HTT: variants seen among roughly 807,000 people sequenced by gnomAD.
HTT encodes huntingtin, also known as huntington disease protein.
In HTT, 104 loss-of-function variants were observed where a neutral mutation model predicts 362.3. The ratio of observed to expected loss-of-function variants is 0.29; its 90% CI spans 0.24 to 0.34. The LOEUF (loss-of-function observed/expected upper bound fraction) is 0.34. HTT is among the 10% of genes least tolerant of loss of function. The probability of loss-of-function intolerance (pLI) is 1.00; values close to 1 mark genes in which losing one functional copy is unlikely to be tolerated. For synonymous variants in HTT, 1,577 were observed against 1,548.7 expected, an observed-to-expected ratio of 1.02 and a Z score of -0.43; for missense variants, 3,301 against 3,928.6, an observed-to-expected ratio of 0.84 and a Z score of 4.27.
At chr4:3,187,152 C>T (rs1433422076) in intron 38 of HTT, among the ~76,000 whole-genome samples, 1 of 149,736 alleles carries the variant, frequency 6.7e-6, no homozygotes, top group East Asian at 2.0e-4. Context: ...AGCCACCGCA[C>T]CCGGCCTTTT....
At chr4:3,165,111 G>A (rs1717634150) in intron 29 of HTT, among the ~76,000 whole-genome samples, 1 of 152,200 alleles carries the variant, frequency 6.6e-6, no homozygotes, top group Non-Finnish European at 1.5e-5. Flanking sequence ...TTGTAAGGCA[G>A]GCCTGGTGGT....
chr4:3,144,685 T>G (rs1321384774), intron 23 of HTT, among the ~76,000 whole-genome samples: 1 of 152,256 alleles, frequency 6.6e-6, no homozygotes, highest in Non-Finnish European at 1.5e-5. Flanking sequence ...GTTTGGGCTG[T>G]CTGCAGTATG....
intron 42 of HTT, 123 bp downstream of exon 42, chr4:3,204,271 C>G (rs992583174): frequency 2.3e-6 from 2 of 864,258 alleles, no homozygotes; most frequent in Non-Finnish European, 3.6e-6. Flanking sequence ...CAAGCTCCAT[C>G]GAAACTAAAT....
intron 6 of HTT, among the ~76,000 whole-genome samples, chr4:3,110,186 T>C (rs919097523): frequency 6.6e-6 from 1 of 152,240 alleles, no homozygotes; most frequent in African/African-American, 2.4e-5. Flanking sequence ...TATGTCTTTG[T>C]ACAACTTTTT....
chr4:3,172,871 A>G, intron 30 of HTT, 37 bp from the exon 31 acceptor site: 2 of 1,383,544 alleles, frequency 1.4e-6, no homozygotes, highest in African/African-American at 1.4e-5. Context: ...AGTGTTGTTC[A>G]CGCCACATTG....
At chr4:3,222,281 G>A (rs1436474846) in intron 53 of HTT, 106 bp from the exon 54 acceptor site, 1 of 815,424 alleles carries the variant, frequency 1.2e-6, no homozygotes, top group African/African-American at 1.7e-5. Context: ...ACTGCCCTTG[G>A]CGTGGAGCCT....
chr4:3,094,492 CG>C (rs1713713099), intron 2 of HTT, among the ~76,000 whole-genome samples: 2 of 141,814 alleles, frequency 1.4e-5, no homozygotes, highest in Non-Finnish European at 3.1e-5. Flanking sequence ...ATGGGGCGGC[CG>C]GGCAGAGGCG....
chr4:3,237,989 T>C (rs1285804998), intron 64 of HTT, among the ~76,000 whole-genome samples: 1 of 152,202 alleles, frequency 6.6e-6, no homozygotes, highest in East Asian at 1.9e-4. Context: ...AAAAACATAA[T>C]GGGAACGGGT....
At chr4:3,078,964 T>A (rs570959253) in intron 1 of HTT, among the ~76,000 whole-genome samples, 1 of 152,320 alleles carries the variant, frequency 6.6e-6, no homozygotes, top group East Asian at 1.9e-4. Flanking sequence ...CTTGATCTCC[T>A]GACCTCGTCA....
chr4:3,199,431 T>A (rs1294573190), intron 40 of HTT, among the ~76,000 whole-genome samples: 1 of 151,908 alleles, frequency 6.6e-6, no homozygotes, highest in Non-Finnish European at 1.5e-5. Context: ...TCCTAGCTAC[T>A]TGGGAGGCTG....
At chr4:3,177,460 A>T in intron 34 of HTT, 73 bp downstream of exon 34, 1 of 1,022,112 alleles carries the variant, frequency 9.8e-7, no homozygotes, top group Non-Finnish European at 1.5e-6. Flanking sequence ...TTATTAAGTG[A>T]ATGTTTAAAC....
intron 39 of HTT, chr4:3,188,708 G>A (rs1398995528): frequency 6.9e-6 from 3 of 437,640 alleles, no homozygotes; most frequent in Non-Finnish European, 1.2e-5. Flanking sequence ...TTGTGTAATG[G>A]TGTACAGTTC....
At chr4:3,222,054 C>T (rs1720697959) in intron 53 of HTT, among the ~76,000 whole-genome samples, 1 of 152,244 alleles carries the variant, frequency 6.6e-6, no homozygotes, top group African/African-American at 2.4e-5. Context: ...GTGGCCCTGG[C>T]CCTGCACGAG....
chr4:3,230,586 G>C (rs1721205084), intron 60 of HTT, among the ~76,000 whole-genome samples: 1 of 152,180 alleles, frequency 6.6e-6, no homozygotes, highest in Non-Finnish European at 1.5e-5. Flanking sequence ...GCTACCACAA[G>C]TTACCTTAGA....
intron 40 of HTT, among the ~76,000 whole-genome samples, chr4:3,196,663 C>T (rs373770691): frequency 5.2e-3 from 784 of 151,796 alleles, no homozygotes; most frequent in Middle Eastern, 0.014. Context: ...AATTGAGCCC[C>T]GGAGGCCAAA....
At chr4:3,125,349 C>T (rs569965733) in intron 10 of HTT, among the ~76,000 whole-genome samples, 200 bp from the exon 11 acceptor site, 1 of 152,158 alleles carries the variant, frequency 6.6e-6, no homozygotes, top group South Asian at 2.1e-4. Context: ...GGTTTATTGA[C>T]TTTAATAGCA....
rs781017733 is a variant in HTT, at chr4:3,154,320, C to T, written c.3526C>T (p.Pro1176Ser). The T allele has an allele frequency of 3.7e-6, 6 of 1,605,480 alleles. No homozygotes were observed. The highest frequency in any genetic ancestry group is 3.4e-5 in the Admixed American group (2 of 58,670). The change falls in exon 27 of 67, where the codon CCT (proline) becomes TCT (serine). Residue 1176 changes from proline to serine, a missense_variant. By Grantham distance (74) the Pro-to-Ser change is moderately conservative (BLOSUM62 -1). Transcript: ENST00000355072. ...AGCCTTGCCTTCTCTAACAAACCCC[C>T]CTTCTCTAAGTCCCATCCGACGAAA... ...KAALPSLTNP[P>S]SLSPIRRKGK...
chr4:3,131,372 G>A lies in HTT; in HGVS notation c.2073G>A (p.Ser691=), dbSNP rs374740113. The change falls in exon 15 of 67, where the codon TCG becomes TCA. Residue 691 remains serine, a synonymous_variant. Transcript: ENST00000355072. The part of the protein sequence containing the change: ...LVHCVRLLSA[S]FLLTGGKNVL... Reference sequence around the variant, plus strand: ...ATTGTGTCCGCCTTTTATCTGCTTCGTTTTTGCTAACAGGGGGAAAAAATG... The same window carrying A: ...ATTGTGTCCGCCTTTTATCTGCTTCATTTTTGCTAACAGGGGGAAAAAATG... 22 of 1,613,674 alleles carry A rather than the reference G, an allele frequency of 1.4e-5. No homozygotes were observed. The highest frequency in any genetic ancestry group is 2.2e-5 in the East Asian group (1 of 44,892).
In HTT at chr4:3,178,340, A is replaced by G. The variant is rs1272940815; in HGVS notation, c.4506A>G (p.Val1502=). Residue 1502 remains valine (V), a synonymous_variant, in exon 35 of 67, where the codon GTA becomes GTG. Transcript: ENST00000355072. ...TTCCAAACATCTTTTTCTTCTTGGT[A>G]TTACTATCTTATGAACGCTATCATT... ...AIIPNIFFFL[V]LLSYERYHSK... 3.1e-6 allele frequency: 5 copies of G among 1,611,194 alleles called. No individual in the cohort carries two copies. Among genetic ancestry groups the G allele is most frequent in the Admixed American group, 1.7e-5 (1 of 59,980 alleles).
Sources: allele counts gnomAD v4.1 joint callset (sites outside exome capture counted in the v4.1 genomes callset), GRCh38; gene constraint gnomAD v4.1.1; transcripts MANE v1.5; gene names NCBI Gene and HGNC (gene_info 2026-07-23, HGNC 2026-07-21).